RER1: variants seen among roughly 807,000 people sequenced by gnomAD.
RER1 encodes protein RER1.
A neutral mutation model predicts 28.3 loss-of-function variants in RER1; 6 were observed. The ratio of observed to expected loss-of-function variants is 0.21; its 90% CI spans 0.12 to 0.42. The LOEUF is 0.42. Ranked by LOEUF, RER1 falls within the 10% of genes least tolerant of loss-of-function variation. The pLI is 1.00. For missense variants in RER1, 159 were observed against 252.9 expected, an observed-to-expected ratio of 0.63 and a Z score of 2.52; for synonymous variants, 110 against 95.9, an observed-to-expected ratio of 1.15 and a Z score of -0.86.
chr1:2,401,050 C>A (rs1642838253), intron 5 of RER1, 115 bp downstream of exon 5: 1 of 865,922 alleles, frequency 1.2e-6, no homozygotes, highest in Non-Finnish European at 1.9e-6. Flanking sequence ...CTGGGCTGGG[C>A]ACGGGGAATC....
rs1303537774 is a variant in RER1, at chr1:2,399,424, A to G, written c.196A>G (p.Ile66Val). Residue 66 changes from isoleucine to valine, a missense_variant, in exon 4 of 7, where the codon ATT (isoleucine) becomes GTT (valine). Ile to Val is a conservative substitution (Grantham distance 29). Coordinates refer to ENST00000605895, the MANE Select transcript of RER1 (RefSeq NM_007033.5). ...IRVYLLQGWYIVTYALGIYHL... is the reference protein window; with the variant it reads ...IRVYLLQGWYVVTYALGIYHL... ...TTTCCTTCTCTTTCAGGGTTGGTAC[A>G]TTGTGACCTATGCCTTGGGGATCTA... 6.2e-7 allele frequency: 1 copy of G among 1,607,708 alleles called. No homozygotes were observed. Among genetic ancestry groups the G allele is most frequent in the Non-Finnish European group, 8.5e-7 (1 of 1,174,124 alleles).
intron 4 of RER1, 79 bp downstream of exon 4, chr1:2,399,593 G>A (rs1642816080): frequency 5.8e-6 from 5 of 857,460 alleles, no homozygotes. Flanking sequence ...GTGTTCTCTG[G>A]AAACACCCGA....
chr1:2,402,595 C>T (rs547138443), intron 6 of RER1, among the ~76,000 whole-genome samples: 1 of 152,306 alleles, frequency 6.6e-6, no homozygotes, highest in African/African-American at 2.4e-5. Context: ...GGTGGGAGAG[C>T]CCCGGCGAGT....
At chr1:2,392,627 C>G (rs977907079) in intron 1 of RER1, among the ~76,000 whole-genome samples, 42 of 152,220 alleles carry the variant, frequency 2.8e-4, no homozygotes, top group Non-Finnish European at 7.3e-5. Flanking sequence ...GCCCTTTTCC[C>G]TTTATGAAGA....
chr1:2,402,530 G>A (rs1642882163), intron 6 of RER1, among the ~76,000 whole-genome samples, 188 bp downstream of exon 6: 1 of 152,104 alleles, frequency 6.6e-6, no homozygotes. Context: ...CTAACTAAAC[G>A]GGGAGCGCAG....
Position 2,405,121 on chromosome 1 carries a change from T to C in RER1, c.*1997T>C, listed in dbSNP as rs142302722. The stretch of plus-strand genomic sequence containing the variant: ...GATGCAGATTTCTGTTTTCTAAAAC[T>C]GGAAGCGACCTTGACGTGTATTGAA... On this transcript the variant is annotated 3_prime_UTR_variant, in exon 7 of 7. Transcript: ENST00000605895. The C allele has an allele frequency of 1.3e-3, 217 of 160,938 alleles. 1 individual carries two copies. In the Middle Eastern group the frequency reaches 0.02, roughly 15 times the overall value. 10.0% of individuals were successfully genotyped at this position (160,938 alleles called of 1,614,324 possible). A position where few individuals can be genotyped will look rare whatever the true frequency, so the allele number is the denominator to read the frequency against.
At chr1:2,397,600 A>T (rs545240669) in intron 3 of RER1, among the ~76,000 whole-genome samples, 4 of 151,516 alleles carry the variant, frequency 2.6e-5, no homozygotes, top group African/African-American at 4.8e-5. Context: ...CTTGGGTGTC[A>T]TGAATGACTC....
Position 2,401,088 on chromosome 1 carries a change from A to G in RER1, c.365+153A>G, listed in dbSNP as rs1054015121. ...AGGGGCTCTCTGTAGAAGGCCACTC[A>G]CTACCTTGCCGCATTCTCTTGGTTT... On this transcript the variant is annotated intron_variant, in intron 5 of 6. Transcript: ENST00000605895. 5.3e-5 allele frequency among the ~76,000 whole-genome samples: 8 copies of G among 152,066 alleles called. No homozygotes were observed. In the South Asian group the frequency reaches 6.2e-4, roughly 12 times the overall value.
chr1:2,396,093 TTC>T (rs1557901423), intron 2 of RER1: 2 of 550,830 alleles, frequency 3.6e-6, no homozygotes, highest in Non-Finnish European at 3.2e-6. Flanking sequence ...CGTTTTCTGT[TTC>T]TGTTTTCCTT....
intron 1 of RER1, among the ~76,000 whole-genome samples, chr1:2,392,193 C>A (rs1473819445): frequency 1.3e-5 from 2 of 151,002 alleles, no homozygotes; most frequent in Non-Finnish European, 1.5e-5. Flanking sequence ...GCCCTGGGGC[C>A]TGCGAGGGTC....
At chr1:2,394,931 G>A (rs1426950018) in intron 1 of RER1, 1 of 152,292 alleles carries the variant, frequency 6.6e-6, no homozygotes, top group Non-Finnish European at 1.5e-5. Flanking sequence ...AAGAGCGGCA[G>A]GTCCTGACGC....
At chr1:2,401,911 G>T in intron 5 of RER1, 2 of 992,194 alleles carry the variant, frequency 2.0e-6, no homozygotes, top group Middle Eastern at 3.3e-4. Flanking sequence ...CGCAGGCCCA[G>T]CCAGCAGGCA....
At chr1:2,399,374 C>T (rs375747996) in intron 3 of RER1, 41 bp from the exon 4 acceptor site, 13 of 1,345,638 alleles carry the variant, frequency 9.7e-6, no homozygotes, top group African/African-American at 4.3e-5. Context: ...GGCTGATGGA[C>T]GGTCAGAGTG....
chr1:2,399,529 G>A lies in RER1; in HGVS notation c.286+15G>A. ...GGAAGACTCAGGTAGGGTAGCGGCTGTGCACTGGGCTGTGTGGGCAGGTTG... is the reference window on the plus strand; with the variant it reads ...GGAAGACTCAGGTAGGGTAGCGGCTATGCACTGGGCTGTGTGGGCAGGTTG... On this transcript the variant is annotated intron_variant, in intron 4 of 6. Transcript: ENST00000605895. The A allele has an allele frequency of 6.5e-7, 1 of 1,533,628 alleles. No individual in the cohort carries two copies. Among genetic ancestry groups the A allele is most frequent in the Non-Finnish European group, 9.0e-7 (1 of 1,106,614 alleles).
rs1355540502 is a variant in RER1, at chr1:2,404,554, G to A, written c.*1430G>A. 2 of 152,280 alleles carry A rather than the reference G, an allele frequency of 1.3e-5. No individual in the cohort carries two copies. Among genetic ancestry groups the A allele is most frequent in the Admixed American group, 6.5e-5 (1 of 15,278 alleles). The allele number at this position is 152,280 out of a possible 1,614,324, so 9.4% of individuals were successfully genotyped here. A position where few individuals can be genotyped will look rare whatever the true frequency, so the allele number is the denominator to read the frequency against. ...GCAGCCCCCAGTGCCTCTCCTGGTG[G>A]TCCTCCCAGTCTAGAGGGTCACGGC... On this transcript the variant is annotated 3_prime_UTR_variant, in exon 7 of 7. Transcript: ENST00000605895.
intron 1 of RER1, among the ~76,000 whole-genome samples, chr1:2,392,513 G>C (rs1480032419): frequency 6.6e-6 from 1 of 152,224 alleles, no homozygotes; most frequent in Non-Finnish European, 1.5e-5. Context: ...GGCTGACTTA[G>C]TACTGGTCTG....
chr1:2,405,206 C>A lies in RER1; in HGVS notation c.*2082C>A, dbSNP rs759617739. ...GGCCTTGGTTGGTTTCTCTCTGCCCCGTGTGGTCATCAAGTCCTGGGGGAT... is the reference window on the plus strand; with the variant it reads ...GGCCTTGGTTGGTTTCTCTCTGCCCAGTGTGGTCATCAAGTCCTGGGGGAT... On this transcript the variant is annotated 3_prime_UTR_variant, in exon 7 of 7. Transcript: ENST00000605895. The A allele has an allele frequency of 1.6e-4, 32 of 205,808 alleles. No individual in the cohort carries two copies. Among genetic ancestry groups the A allele is most frequent in the Non-Finnish European group, 2.7e-4 (27 of 100,042 alleles). 12.7% of individuals were successfully genotyped at this position (205,808 alleles called of 1,614,324 possible). A position where few individuals can be genotyped will look rare whatever the true frequency, so the allele number is the denominator to read the frequency against.
rs763461549 is a variant in RER1, at chr1:2,403,183, T to C, written c.*59T>C. On this transcript the variant is annotated 3_prime_UTR_variant, in exon 7 of 7. Transcript: ENST00000605895. ...AACAGTTTTGAGCCATTGTTAACAATGCCTTTTTTCTTCACATAAAGTAGT... is the reference window on the plus strand; with the variant it reads ...AACAGTTTTGAGCCATTGTTAACAACGCCTTTTTTCTTCACATAAAGTAGT... 12 of 1,350,250 alleles carry C rather than the reference T, an allele frequency of 8.9e-6. No homozygotes were observed. The highest frequency in any genetic ancestry group is 1.4e-5 in the African/African-American group (1 of 69,588). The allele number at this position is 1,350,250 out of a possible 1,614,324, so 83.6% of individuals were successfully genotyped here. A position where few individuals can be genotyped will look rare whatever the true frequency, so the allele number is the denominator to read the frequency against.
At chr1:2,393,634 C>G (rs1642725760) in intron 1 of RER1, among the ~76,000 whole-genome samples, 1 of 152,186 alleles carries the variant, frequency 6.6e-6, no homozygotes, top group South Asian at 2.1e-4. Flanking sequence ...TGTCCCATTT[C>G]ACAGACTGGA....
Sources: gnomAD v4.1 joint callset for allele counts (sites outside exome capture counted in the v4.1 genomes callset) on GRCh38, gnomAD v4.1.1 for gene constraint, MANE v1.5 for transcripts, NCBI Gene and HGNC (gene_info 2026-07-23, HGNC 2026-07-21) for gene names.